The following ZSCAN5A variants were observed in gnomAD, a reference collection of about 807,000 sequenced individuals.
ZSCAN5A encodes the protein zinc finger and SCAN domain-containing protein 5A.
ZSCAN5A carries 12 observed loss-of-function variants against 23.7 expected under a neutral mutation model. That is an observed-to-expected ratio of 0.51 (90% CI 0.32 to 0.82). The LOEUF (loss-of-function observed/expected upper bound fraction) is 0.82. ZSCAN5A is among the 40% of genes least tolerant of loss of function. The probability of loss-of-function intolerance (pLI) is 0.03; values close to 1 mark genes in which losing one functional copy is unlikely to be tolerated. For missense variants in ZSCAN5A, 597 were observed against 617.9 expected, an observed-to-expected ratio of 0.97 and a Z score of 0.36; for synonymous variants, 257 against 239.9, an observed-to-expected ratio of 1.07 and a Z score of -0.66.
At chr19:56,260,214 CTTTTTTTTTTT>C (rs398041088) in intron 2 of ZSCAN5A, among the ~76,000 whole-genome samples, 1 of 127,870 alleles carries the variant, frequency 7.8e-6, no homozygotes, top group Non-Finnish European at 1.6e-5. Flanking sequence ...TATTTTTTTA[CTTTTTTTTTTT>C]TTTTTTTGGA....
chr19:56,226,124 G>A (rs371051504), intron 2 of ZSCAN5A, among the ~76,000 whole-genome samples: 2 of 152,112 alleles, frequency 1.3e-5, no homozygotes, highest in African/African-American at 4.8e-5. Context: ...AGACACAGGT[G>A]GGGGAAGCAA....
intron 2 of ZSCAN5A, among the ~76,000 whole-genome samples, chr19:56,257,381 G>A (rs1295211231): frequency 6.6e-6 from 1 of 152,168 alleles, no homozygotes; most frequent in African/African-American, 2.4e-5. Context: ...AGATGTCACG[G>A]GAGGATACAG....
chr19:56,342,595 T>C (rs752536919), intron 2 of ZSCAN5A: 4 of 404,166 alleles, frequency 9.9e-6, no homozygotes, highest in Non-Finnish European at 2.0e-5. Context: ...AGAAGCTGAC[T>C]CTGAACATCC....
rs373736185 is a variant in ZSCAN5A at position 56,262,006 on chromosome 19, A to C, written c.-127-36833T>G. ...CCTCTTGCCCCTCCAATCTGTGCCT[A>C]CCTACAGGTAACCACTTTTCTAACT... On this transcript the variant is annotated intron_variant, in intron 2 of 5. Coordinates refer to ENST00000683990, the MANE Select transcript of ZSCAN5A (RefSeq NM_001322064.3). Among the ~76,000 whole-genome samples the C allele has an allele frequency of 1.3e-3, 195 of 152,206 alleles. 1 individual carries two copies. Among genetic ancestry groups the C allele is most frequent in the African/African-American group, 4.4e-3 (184 of 41,528 alleles).
intron 2 of ZSCAN5A, chr19:56,322,423 A>AC (rs941406860): frequency 3.4e-6 from 2 of 588,826 alleles, no homozygotes; most frequent in Non-Finnish European, 6.1e-6. Flanking sequence ...GAGGCGGGCG[A>AC]CCCCGCAACC....
chr19:56,327,101 T>A (rs775582590), intron 2 of ZSCAN5A, among the ~76,000 whole-genome samples: 9 of 151,870 alleles, frequency 5.9e-5, no homozygotes, highest in Non-Finnish European at 1.2e-4. Flanking sequence ...ATTTCAGGTG[T>A]CCATTAGGAT....
intron 2 of ZSCAN5A, among the ~76,000 whole-genome samples, chr19:56,242,303 C>T (rs1419190173): frequency 6.6e-6 from 1 of 152,190 alleles, no homozygotes; most frequent in Non-Finnish European, 1.5e-5. Flanking sequence ...AGCACCTTTT[C>T]CTAGACCTGC....
Position 56,221,627 on chromosome 19 carries a change from A to C in ZSCAN5A, c.1439T>G (p.Leu480Arg). Reference sequence around the variant, plus strand: ...TTTCTGGTGGCGTCTTAACAATTTCAGCCGACTGAAGGCTCTTGGACACTT... The same window carrying C: ...TTTCTGGTGGCGTCTTAACAATTTCCGCCGACTGAAGGCTCTTGGACACTT... ...CSKCPRAFSR[L>R]KLLRRHQKTH... The change falls in exon 6 of 6, where the codon CTG becomes CGG. Residue 480 changes from leucine to arginine, a missense_variant. Around this residue, in one of 5 missense-constraint regions of ZSCAN5A, gnomAD observed 87 missense variants for 74.4 expected, o/e 1.17. Coordinates refer to ENST00000683990, the MANE Select transcript of ZSCAN5A (RefSeq NM_001322064.3). The C allele has an allele frequency of 1.2e-6, 2 of 1,611,662 alleles. No homozygotes were observed. The highest frequency in any genetic ancestry group is 1.7e-5 in the Admixed American group (1 of 59,344).
At chr19:56,263,604 A>G (rs949504323) in intron 2 of ZSCAN5A, 12 of 152,202 alleles carry the variant, frequency 7.9e-5, no homozygotes, top group Non-Finnish European at 1.6e-4. Flanking sequence ...GATGTTCTAA[A>G]CGACGCAATC....
chr19:56,230,167 AC>A (rs1201617661), intron 2 of ZSCAN5A, among the ~76,000 whole-genome samples: 1 of 152,082 alleles, frequency 6.6e-6, no homozygotes, highest in East Asian at 1.9e-4. Context: ...GCTCACTGCA[AC>A]CTCTGCCTCT....
rs201988390 is a variant in ZSCAN5A, at chr19:56,302,648, TC to T, written c.-128+10634del. Among the ~76,000 whole-genome samples, 20 of 120,100 alleles carry T rather than the reference TC, an allele frequency of 1.7e-4. No homozygotes were observed. The South Asian group carries it at 1.7e-3, about 11-fold the overall frequency. The allele number at this position is 120,100 out of a possible 152,430, so 78.8% of individuals were successfully genotyped here. ...CTCCCTCCTCCTCCCTTCCTTTTCT[TC>T]CCCCCCTCCCTGTTCTTTCCTTCCT... On this transcript the variant is annotated intron_variant, in intron 2 of 5. Coordinates refer to ENST00000683990, the MANE Select transcript of ZSCAN5A (RefSeq NM_001322064.3).
intron 2 of ZSCAN5A, among the ~76,000 whole-genome samples, chr19:56,312,849 T>C (rs1439427492): frequency 6.6e-6 from 1 of 152,272 alleles, no homozygotes; most frequent in African/African-American, 2.4e-5. Context: ...AATGGGGATG[T>C]AGACTGCACC....
chr19:56,334,979 G>A (rs887158776), intron 2 of ZSCAN5A, among the ~76,000 whole-genome samples: 1 of 152,088 alleles, frequency 6.6e-6, no homozygotes, highest in Non-Finnish European at 1.5e-5. Flanking sequence ...TTCAGAATAC[G>A]GATAAAAACA....
chr19:56,236,814 G>A (rs1319885830), intron 2 of ZSCAN5A, among the ~76,000 whole-genome samples: 2 of 146,334 alleles, frequency 1.4e-5, no homozygotes, highest in Non-Finnish European at 3.0e-5. Context: ...TCTGATGGAC[G>A]GTGGGCCAAG....
chr19:56,328,909 G>A (rs934935114), intron 2 of ZSCAN5A, among the ~76,000 whole-genome samples: 12 of 150,296 alleles, frequency 8.0e-5, no homozygotes, highest in Non-Finnish European at 1.8e-4. Context: ...GCAGGAGAAT[G>A]GCGTGAACCC....
At chr19:56,250,718 C>T (rs1030160859) in intron 2 of ZSCAN5A, among the ~76,000 whole-genome samples, 4 of 152,182 alleles carry the variant, frequency 2.6e-5, no homozygotes, top group African/African-American at 4.8e-5. Flanking sequence ...CTCCCACATC[C>T]GCTCCTACCC....
rs1438772273 is a variant in ZSCAN5A, at chr19:56,228,621, A to G, written c.-127-3448T>C. Among the ~76,000 whole-genome samples the G allele has an allele frequency of 2.6e-5, 4 of 152,182 alleles. No homozygotes were observed. The East Asian group carries it at 7.7e-4, about 29-fold the overall frequency. On this transcript the variant is annotated intron_variant, in intron 2 of 5. Coordinates refer to ENST00000683990, the MANE Select transcript of ZSCAN5A (RefSeq NM_001322064.3). The stretch of plus-strand genomic sequence containing the variant: ...AGTAATATCCTAACAAGTAAAGAAC[A>G]TGTTAAGAGCTGGTGGATTAGTATC...
rs1054467977 is a variant in ZSCAN5A at position 56,223,895 on chromosome 19, C to A, written c.385-61G>T. The A allele has an allele frequency of 2.2e-5, 32 of 1,446,694 alleles. No homozygotes were observed. In the African/African-American group the frequency reaches 4.2e-4, roughly 19 times the overall value. The allele number at this position is 1,446,694 out of a possible 1,614,324, so 89.6% of individuals were successfully genotyped here. ...AGAACCTGAAAGTAGCTCTCATATTCCCTGGGTCCTGCCATAATGCTCACA... is the reference window on the plus strand; with the variant it reads ...AGAACCTGAAAGTAGCTCTCATATTACCTGGGTCCTGCCATAATGCTCACA... On this transcript the variant is annotated intron_variant, in intron 3 of 5. Transcript: ENST00000683990.
Position 56,221,406 on chromosome 19 carries a change from A to G in ZSCAN5A, c.*169T>C. ...ATGGACATAATGAAACAGAAAACAA[A>G]GCTCAGTGGGGAGGACACATATTTA... is the stretch of plus-strand genomic sequence containing the variant. On this transcript the variant is annotated 3_prime_UTR_variant, in exon 6 of 6. Transcript: ENST00000683990. The G allele has an allele frequency of 1.4e-6, 1 of 697,644 alleles. No homozygotes were observed. The highest frequency in any genetic ancestry group is 2.2e-6 in the Non-Finnish European group (1 of 446,224). The allele number at this position is 697,644 out of a possible 1,614,324, so 43.2% of individuals were successfully genotyped here.
Sources: gnomAD v4.1 joint callset for allele counts (sites outside exome capture counted in the v4.1 genomes callset) on GRCh38, gnomAD v4.1.1 for gene constraint, gnomAD v4.1.1 regional missense constraint, MANE v1.5 for transcripts, NCBI Gene and HGNC (gene_info 2026-07-23, HGNC 2026-07-21) for gene names.